Variants in ADAM22 observed in about 807,000 individuals in gnomAD.
ADAM22 encodes the protein ADAM metallopeptidase domain 22.
Under a neutral mutation model 144.6 loss-of-function variants are expected in ADAM22, and 65 were observed. That is an observed-to-expected ratio of 0.45 (90% confidence interval 0.37 to 0.55). ADAM22 has a LOEUF of 0.55. ADAM22 is among the 20% of genes least tolerant of loss of function. The pLI is 0.00. For missense variants in ADAM22, 974 were observed against 1,184.9 expected (o/e 0.82, Z 2.61); for synonymous variants, 391 against 412.6 (o/e 0.95, Z 0.63).
At chr7:88,008,714 C>A (rs565098965) in intron 3 of ADAM22, among the ~76,000 whole-genome samples, 1 of 151,450 alleles carries the variant, frequency 6.6e-6, no homozygotes, top group South Asian at 2.1e-4. Context: ...AACACATGGA[C>A]ACAGGAAGGG....
chr7:87,947,077 G>A (rs981887600), intron 2 of ADAM22, among the ~76,000 whole-genome samples: 9 of 152,116 alleles, frequency 5.9e-5, no homozygotes, highest in African/African-American at 2.2e-4. Flanking sequence ...AGAGGGGCAA[G>A]GGTTGAAAAA....
chr7:88,182,384 T>G (rs369511896), intron 29 of ADAM22, among the ~76,000 whole-genome samples: 5 of 152,150 alleles, frequency 3.3e-5, no homozygotes, highest in African/African-American at 9.7e-5. Flanking sequence ...TCCCCAATAC[T>G]CACACAGCCT....
chr7:88,080,119 G>A (rs887981766), intron 4 of ADAM22, among the ~76,000 whole-genome samples: 7 of 152,078 alleles, frequency 4.6e-5, no homozygotes, highest in African/African-American at 1.4e-4. Context: ...CAGCAAATGT[G>A]AAAGAACAGA....
chr7:88,074,475 T>C (rs1351089209), intron 3 of ADAM22, among the ~76,000 whole-genome samples: 13 of 152,224 alleles, frequency 8.5e-5, no homozygotes, highest in Non-Finnish European at 1.9e-4. Flanking sequence ...CTGAATATCC[T>C]CAAAAGCAAA....
intron 4 of ADAM22, among the ~76,000 whole-genome samples, chr7:88,091,564 C>T (rs1209082555): frequency 6.6e-6 from 1 of 152,062 alleles, no homozygotes; most frequent in Non-Finnish European, 1.5e-5. Context: ...GTGCTAGATG[C>T]CAGTCTAAGT....
intron 4 of ADAM22, among the ~76,000 whole-genome samples, chr7:88,106,644 A>G (rs1291167826): frequency 6.6e-6 from 1 of 152,202 alleles, no homozygotes; most frequent in Non-Finnish European, 1.5e-5. Context: ...CAGCTACTGA[A>G]GAAATAGAAG....
rs1563245803 is a variant in ADAM22 at position 88,113,708 on chromosome 7, ATATATATAT to A, written c.474-875_474-867del. ...ATATTATAAATAAATAAATAAATAT[ATATATATAT>A]ATATATATATATATATATATATAGT... On this transcript the variant is annotated intron_variant, in intron 5 of 31. Coordinates refer to ENST00000413139, the MANE Select transcript of ADAM22 (RefSeq NM_001324418.2). Among the ~76,000 whole-genome samples, 248 of 93,732 alleles carry A rather than the reference ATATATATAT, an allele frequency of 2.6e-3. 15 individuals carry two copies. The highest frequency in any genetic ancestry group is 9.6e-3 in the African/African-American group (208 of 21,742). 61.5% of individuals were successfully genotyped at this position (93,732 alleles called of 152,430 possible).
At chr7:88,023,507 C>T (rs1798288309) in intron 3 of ADAM22, among the ~76,000 whole-genome samples, 1 of 152,272 alleles carries the variant, frequency 6.6e-6, no homozygotes, top group East Asian at 1.9e-4. Context: ...GCAACCTCCA[C>T]CTCCCAGGTT....
chr7:88,131,390 G>A lies in ADAM22; in HGVS notation c.947G>A (p.Arg316Lys), dbSNP rs1265669408. Residue 316 changes from arginine to lysine, a missense_variant, in exon 11 of 32, where the codon AGG becomes AAG. By Grantham distance (26) the Arg-to-Lys change is conservative. Coordinates refer to ENST00000413139, the MANE Select transcript of ADAM22 (RefSeq NM_001324418.2). Reference sequence around the variant, plus strand: ...ACCCTACGTGAGTTTATGAAATACAGGAGGGATTTTATCAAAGAGAAAAGT... The same window carrying A: ...ACCCTACGTGAGTTTATGAAATACAAGAGGGATTTTATCAAAGAGAAAAGT... ...LITLREFMKY[R>K]RDFIKEKSDA... The A allele has an allele frequency of 1.9e-6, 3 of 1,613,712 alleles. No individual in the cohort carries two copies. Among genetic ancestry groups the A allele is most frequent in the African/African-American group, 2.7e-5 (2 of 74,900 alleles).
chr7:88,140,022 G>A (rs982691517), intron 14 of ADAM22, among the ~76,000 whole-genome samples: 2 of 152,114 alleles, frequency 1.3e-5, no homozygotes, highest in Admixed American at 1.3e-4. Flanking sequence ...GAGATCTCAG[G>A]AAGCTTTTAC....
At chr7:88,068,626 A>G (rs973567579) in intron 3 of ADAM22, among the ~76,000 whole-genome samples, 2 of 152,144 alleles carry the variant, frequency 1.3e-5, no homozygotes, top group Non-Finnish European at 2.9e-5. Flanking sequence ...TACAGTGTAT[A>G]TTGTTTTGCA....
chr7:88,144,890 T>C (rs1415146048), intron 15 of ADAM22, among the ~76,000 whole-genome samples: 2 of 152,002 alleles, frequency 1.3e-5, no homozygotes, highest in African/African-American at 2.4e-5. Flanking sequence ...GTTATATATA[T>C]AAATATATAG....
intron 3 of ADAM22, among the ~76,000 whole-genome samples, chr7:88,051,110 A>G (rs1035943564): frequency 1.3e-5 from 2 of 152,216 alleles, no homozygotes; most frequent in African/African-American, 4.8e-5. Context: ...GTGGGATTGT[A>G]AACTAGTTCA....
chr7:87,955,653 C>A (rs1054787118), intron 2 of ADAM22, among the ~76,000 whole-genome samples: 1 of 152,212 alleles, frequency 6.6e-6, no homozygotes, highest in Non-Finnish European at 1.5e-5. Context: ...CCACTGCTCT[C>A]CTCAAAGTTG....
intron 3 of ADAM22, among the ~76,000 whole-genome samples, chr7:88,042,148 G>A (rs538267382): frequency 1.3e-5 from 2 of 152,024 alleles, no homozygotes; most frequent in African/African-American, 4.8e-5. Flanking sequence ...TATCTTCAGG[G>A]GAGGGCTTTC....
chr7:87,952,050 A>G (rs1286358375), intron 2 of ADAM22, among the ~76,000 whole-genome samples: 2 of 150,158 alleles, frequency 1.3e-5, no homozygotes, highest in African/African-American at 2.5e-5. Context: ...GGCTGAGACA[A>G]TGGGGTTTTC....
intron 25 of ADAM22, 92 bp from the exon 26 acceptor site, chr7:88,171,452 A>C: frequency 2.8e-5 from 33 of 1,161,234 alleles, no homozygotes; most frequent in Non-Finnish European, 3.6e-5. Context: ...AATGAAAGCT[A>C]GAGCTTTTAT....
At chr7:87,935,451 C>T (rs1022776647) in intron 2 of ADAM22, among the ~76,000 whole-genome samples, 2 of 152,090 alleles carry the variant, frequency 1.3e-5, no homozygotes, top group Middle Eastern at 3.2e-3. Flanking sequence ...AGAGAACAGG[C>T]GGAGAGCCCT....
intron 12 of ADAM22, 50 bp from the exon 13 acceptor site, chr7:88,134,279 C>A: frequency 7.3e-7 from 1 of 1,378,744 alleles, no homozygotes; most frequent in South Asian, 1.3e-5. Flanking sequence ...GGTTCTTTGT[C>A]AGTGACAATT....
Sources: gnomAD v4.1 joint callset for allele counts (sites outside exome capture counted in the v4.1 genomes callset) on GRCh38, gnomAD v4.1.1 for gene constraint, MANE v1.5 for transcripts, NCBI Gene and HGNC (gene_info 2026-07-23, HGNC 2026-07-21) for gene names.